The following CS variants were observed in gnomAD, a reference collection of about 807,000 sequenced individuals.
The protein encoded by CS is citrate synthase, mitochondrial.
A neutral mutation model predicts 61.4 loss-of-function variants in CS; 13 were observed. That is an observed-to-expected ratio of 0.21 (90% CI 0.14 to 0.34). CS has a LOEUF of 0.34. Ranked by LOEUF, CS falls within the 10% of genes least tolerant of loss-of-function variation. CS has a pLI of 1.00. For synonymous variants in CS, 159 were observed against 215.2 expected (o/e 0.74, Z 2.29); for missense variants, 278 against 573.4 (o/e 0.48, Z 5.26).
At chr12:56,294,764 AG>A (rs1873243102) in intron 1 of CS, among the ~76,000 whole-genome samples, 1 of 151,146 alleles carries the variant, frequency 6.6e-6, no homozygotes, top group Non-Finnish European at 1.5e-5. Context: ...TCCTTTCAGT[AG>A]GAACACTTAC....
upstream of CS, chr12:56,300,330 GAA>G (rs1873452784): frequency 9.5e-7 from 1 of 1,049,496 alleles, no homozygotes. Context: ...GCGGCTGAAG[GAA>G]AGAGTAGACG....
At chr12:56,278,551 A>G (rs1294181965) in intron 6 of CS, among the ~76,000 whole-genome samples, 1 of 151,990 alleles carries the variant, frequency 6.6e-6, no homozygotes, top group Non-Finnish European at 1.5e-5. Context: ...ATCCTGGCCA[A>G]CAAGGCAAAA....
At chr12:56,286,055 G>T (rs1427631396) in intron 2 of CS, 32 bp from the exon 3 acceptor site, 1 of 1,556,024 alleles carries the variant, frequency 6.4e-7, no homozygotes, top group Non-Finnish European at 8.9e-7. Context: ...CTAAGCAATG[G>T]TCTAAAAGTT....
intron 6 of CS, among the ~76,000 whole-genome samples, chr12:56,277,647 T>C (rs560840732): frequency 1.3e-5 from 2 of 149,040 alleles, no homozygotes; most frequent in South Asian, 4.4e-4. Flanking sequence ...TTTTTTTTTT[T>C]TGAGATGGAT....
In CS at chr12:56,286,635, C is replaced by A; in HGVS notation, c.53G>T (p.Cys18Phe). 2 of 1,614,012 alleles carry A rather than the reference C, an allele frequency of 1.2e-6. No homozygotes were observed. The highest frequency in any genetic ancestry group is 1.7e-6 in the Non-Finnish European group (2 of 1,179,924). ...ARLLGTKNAS[C>F]LVLAARHASA... Reference sequence around the variant, plus strand: ...GGCATGCCGGGCTGCAAGAACAAGACAAGATGCATTCTGCAAAGCAAAAAA... The same window carrying A: ...GGCATGCCGGGCTGCAAGAACAAGAAAAGATGCATTCTGCAAAGCAAAAAA... The change falls in exon 2 of 11, where the codon TGT becomes TTT. Residue 18 changes from cysteine (C) to phenylalanine (F), a missense_variant. Cys to Phe is a radical substitution (Grantham distance 205). Transcript: ENST00000351328.
intron 3 of CS, 118 bp from the exon 4 acceptor site, chr12:56,283,975 CT>C: frequency 1.4e-6 from 1 of 714,834 alleles, no homozygotes; most frequent in Admixed American, 2.6e-5. Context: ...TATTCTCAGA[CT>C]TGTAAGACTT....
At chr12:56,285,323 C>G (rs1269410632) in intron 3 of CS, 5 of 407,278 alleles carry the variant, frequency 1.2e-5, no homozygotes, top group Non-Finnish European at 2.5e-5. Context: ...CCCTCTGTTG[C>G]CCAGGCTATA....
rs1332508818 is a variant in CS, at chr12:56,272,420, GTATT to G, written c.*660_*663del. ...GTGTAGAAAGTCTGGGAGGAGGTGA[GTATT>G]AAAGTAATGGGAAACAGAACACTCC... On this transcript the variant is annotated 3_prime_UTR_variant, in exon 11 of 11. Transcript: ENST00000351328. 1 of 152,924 alleles carries G rather than the reference GTATT, an allele frequency of 6.5e-6. No individual in the cohort carries two copies. Among genetic ancestry groups the G allele is most frequent in the Non-Finnish European group, 1.5e-5 (1 of 68,762 alleles). The allele number at this position is 152,924 out of a possible 1,614,324, so 9.5% of individuals were successfully genotyped here.
chr12:56,295,771 G>A (rs573281125), intron 1 of CS, among the ~76,000 whole-genome samples: 445 of 150,856 alleles, frequency 2.9e-3, no homozygotes, highest in Admixed American at 5.6e-3. Context: ...TGGCTAACAC[G>A]GTGAAACCCT....
intron 1 of CS, among the ~76,000 whole-genome samples, chr12:56,295,617 T>C (rs1873274074): frequency 6.6e-6 from 1 of 152,046 alleles, no homozygotes; most frequent in African/African-American, 2.4e-5. Context: ...CATAATACTT[T>C]CTCAGGAATT....
rs1872524957 is a variant in CS at position 56,271,738 on chromosome 12, A to G, written c.*1346T>C. The G allele has an allele frequency of 2.8e-6, 1 of 351,154 alleles. No individual in the cohort carries two copies. Among genetic ancestry groups the G allele is most frequent in the South Asian group, 2.1e-5 (1 of 47,164 alleles). 21.8% of individuals were successfully genotyped at this position (351,154 alleles called of 1,614,324 possible). A position where few individuals can be genotyped will look rare whatever the true frequency, so the allele number is the denominator to read the frequency against. On this transcript the variant is annotated 3_prime_UTR_variant, in exon 11 of 11. Transcript: ENST00000351328. ...ACATTTATTTTGCATTTTATACAGA[A>G]CAACCTGAAGTCTCCATCATGACTT... is the stretch of plus-strand genomic sequence containing the variant.
intron 9 of CS, chr12:56,274,093 C>G (rs2135908831): frequency 2.5e-6 from 1 of 396,418 alleles, no homozygotes; most frequent in East Asian, 5.7e-5. Context: ...GTGGGCAGAT[C>G]ACCTGAGGTT....
intron 1 of CS, among the ~76,000 whole-genome samples, chr12:56,288,390 C>T (rs897503902): frequency 1.1e-4 from 14 of 126,386 alleles, no homozygotes; most frequent in Admixed American, 6.1e-4. Context: ...CTCATTCTGT[C>T]GCCCAGGCTG....
rs1430358171 is a variant in CS, at chr12:56,271,847, T to C, written c.*1237A>G. The C allele has an allele frequency of 2.2e-6, 1 of 456,024 alleles. No homozygotes were observed. Among genetic ancestry groups the C allele is most frequent in the Middle Eastern group, 3.2e-4 (1 of 3,082 alleles). The allele number at this position is 456,024 out of a possible 1,614,324, so 28.2% of individuals were successfully genotyped here. ...TATCCACACAAACACAGGCAGGAGTTTGGAGGAAAGATGGGGGCACAGCAG... is the reference window on the plus strand; with the variant it reads ...TATCCACACAAACACAGGCAGGAGTCTGGAGGAAAGATGGGGGCACAGCAG... On this transcript the variant is annotated 3_prime_UTR_variant, in exon 11 of 11. Coordinates refer to ENST00000351328, the MANE Select transcript of CS (RefSeq NM_004077.3).
intron 9 of CS, chr12:56,273,997 C>CT (rs35366727): frequency 0.065 from 24,056 of 372,744 alleles, 698 homozygotes; most frequent in East Asian, 0.2. Context: ...ACACATCTGG[C>CT]TTTTTTTTTT....
chr12:56,273,887 GC>G, intron 9 of CS, 91 bp from the exon 10 acceptor site: 1 of 1,110,022 alleles, frequency 9.0e-7, no homozygotes, highest in Admixed American at 1.8e-5. Context: ...AGGCTGGAGT[GC>G]AGTGGCATGA....
chr12:56,272,707 G>A lies in CS; in HGVS notation c.*377C>T, dbSNP rs909297026. 28 of 168,184 alleles carry A rather than the reference G, an allele frequency of 1.7e-4. No individual in the cohort carries two copies. Among genetic ancestry groups the A allele is most frequent in the Non-Finnish European group, 2.8e-4 (22 of 78,254 alleles). The allele number at this position is 168,184 out of a possible 1,614,324, so 10.4% of individuals were successfully genotyped here. ...TGGTTTGCTGGCTTATTGAGGGCTT[G>A]GCAGAGAAGCTAAAGCTCCAAAGTG... On this transcript the variant is annotated 3_prime_UTR_variant, in exon 11 of 11. Coordinates refer to ENST00000351328, the MANE Select transcript of CS (RefSeq NM_004077.3).
At chr12:56,279,301 CAGA>C (rs1445246611) in intron 6 of CS, among the ~76,000 whole-genome samples, 1 of 152,164 alleles carries the variant, frequency 6.6e-6, no homozygotes, top group Admixed American at 6.5e-5. Flanking sequence ...ATGTTCTGTG[CAGA>C]AGATCATCCT....
At chr12:56,273,894 C>A in intron 9 of CS, 98 bp from the exon 10 acceptor site, 1 of 1,028,388 alleles carries the variant, frequency 9.7e-7, no homozygotes, top group Non-Finnish European at 1.5e-6. Context: ...AGTGCAGTGG[C>A]ATGATCACAT....
Sources: gnomAD v4.1 joint callset for allele counts (sites outside exome capture counted in the v4.1 genomes callset) on GRCh38, gnomAD v4.1.1 for gene constraint, MANE v1.5 for transcripts, NCBI Gene and HGNC (gene_info 2026-07-23, HGNC 2026-07-21) for gene names.